The following NFIB variants were observed in gnomAD, a reference collection of about 807,000 sequenced individuals.
NFIB encodes nuclear factor 1 B-type.
A neutral mutation model predicts 61.5 loss-of-function variants in NFIB; 11 were observed. The observed-to-expected ratio is 0.18, with a 90% CI of 0.11 to 0.30. The LOEUF (loss-of-function observed/expected upper bound fraction) is 0.30, where lower values mean the gene tolerates loss of function less well. NFIB is among the 10% of genes least tolerant of loss of function. The pLI is 1.00. For synonymous variants in NFIB, 260 were observed against 216.5 expected (o/e 1.20, Z -1.76); for missense variants, 471 against 608.9 (o/e 0.77, Z 2.38).
At chr9:14,127,664 G>A (rs1417496806) in intron 6 of NFIB, among the ~76,000 whole-genome samples, 1 of 152,116 alleles carries the variant, frequency 6.6e-6, no homozygotes, top group Non-Finnish European at 1.5e-5. Flanking sequence ...ACCTTATGGT[G>A]CTATTAATAT....
intron 2 of NFIB, among the ~76,000 whole-genome samples, chr9:14,198,372 C>T (rs2382457): frequency 0.87 from 132,785 of 152,204 alleles, 58,151 homozygotes; most frequent in South Asian, 0.94. Flanking sequence ...GGAACAATTA[C>T]TTGGATAAAG....
In NFIB at chr9:14,116,329, T is replaced by C; in HGVS notation, c.1263A>G (p.Gln421=). 1 of 1,523,076 alleles carries C rather than the reference T, an allele frequency of 6.6e-7. No homozygotes were observed. The highest frequency in any genetic ancestry group is 8.8e-7 in the Non-Finnish European group (1 of 1,134,094). The allele number at this position is 1,523,076 out of a possible 1,614,324, so 94.3% of individuals were successfully genotyped here. ...AATGGCCAGGCACTTTCCCTACTAC[T>C]TGACCACTGCCGTTAGGCTACAAAA... ...PQTSQPNGSG[Q]VVGKVPGHFT... Residue 421 remains glutamine (Q), a synonymous_variant, in exon 9 of 11, where the codon CAA becomes CAG. Coordinates refer to ENST00000380953, the MANE Select transcript of NFIB (RefSeq NM_001190737.2).
At chr9:14,225,382 G>A (rs535531399) in intron 2 of NFIB, among the ~76,000 whole-genome samples, 43 of 147,806 alleles carry the variant, frequency 2.9e-4, no homozygotes, top group Admixed American at 6.1e-4. Flanking sequence ...GCGTGAACCC[G>A]GGAGGCGGAG....
chr9:14,354,568 T>C (rs1219876817), intron 1 of NFIB, among the ~76,000 whole-genome samples: 1 of 152,122 alleles, frequency 6.6e-6, no homozygotes, highest in South Asian at 2.1e-4. Flanking sequence ...GGCTACATGG[T>C]TGGGTTTCCA....
At chr9:14,497,693 G>A in the NFIB span, among the ~76,000 whole-genome samples, 4 of 152,156 alleles carry the variant, frequency 2.6e-5, no homozygotes, top group East Asian at 3.9e-4. Context: ...CACTGTACAC[G>A]TGCTTTATCC....
chr9:14,457,538 C>T, the NFIB span, among the ~76,000 whole-genome samples: 1 of 148,020 alleles, frequency 6.8e-6, no homozygotes, highest in Non-Finnish European at 1.5e-5. Context: ...GAGACAGAGA[C>T]ACAAAAAACC....
chr9:14,505,864 G>A, the NFIB span, among the ~76,000 whole-genome samples: 5 of 152,026 alleles, frequency 3.3e-5, no homozygotes, highest in South Asian at 2.1e-4. Flanking sequence ...GAAATTACAC[G>A]TATATCATGA....
At chr9:14,505,777 G>T in the NFIB span, among the ~76,000 whole-genome samples, 5 of 152,108 alleles carry the variant, frequency 3.3e-5, no homozygotes, top group African/African-American at 1.2e-4. Context: ...CCCCACCTGG[G>T]TATCAAAGGG....
chr9:14,369,962 C>T (rs745910271), intron 1 of NFIB, among the ~76,000 whole-genome samples: 17 of 152,200 alleles, frequency 1.1e-4, no homozygotes, highest in Non-Finnish European at 8.8e-5. Flanking sequence ...CAGGGTAAGA[C>T]AAGGTTATGT....
In NFIB at chr9:14,098,676, T is replaced by C. The variant is rs192625775; in HGVS notation, c.1468-10350A>G. On this transcript the variant is annotated intron_variant, in intron 10 of 10. Transcript: ENST00000380953. The stretch of plus-strand genomic sequence containing the variant: ...TCATCCTCCTAAGATCTTGAGCCCA[T>C]TCTGACTATACTAGAAGTGAGCCCT... Among the ~76,000 whole-genome samples, 15 of 152,350 alleles carry C rather than the reference T, an allele frequency of 9.8e-5. No homozygotes were observed. In the East Asian group the frequency reaches 2.9e-3, roughly 29 times the overall value.
chr9:14,254,350 T>C (rs1240381567), intron 2 of NFIB, among the ~76,000 whole-genome samples: 2 of 152,018 alleles, frequency 1.3e-5, no homozygotes, highest in Non-Finnish European at 2.9e-5. Context: ...CTCCATAAGA[T>C]GCTCCCTCCA....
At chr9:14,315,476 G>A (rs1340195728), upstream of NFIB, among the ~76,000 whole-genome samples, 2 of 147,338 alleles carry the variant, frequency 1.4e-5, no homozygotes, top group Non-Finnish European at 1.5e-5. Context: ...CCGGGGCGCC[G>A]GCGGAAAGCG....
chr9:14,470,378 T>G, the NFIB span, among the ~76,000 whole-genome samples: 1 of 152,164 alleles, frequency 6.6e-6, no homozygotes, highest in Non-Finnish European at 1.5e-5. Context: ...ATTTGTGAGC[T>G]TTCAACTTAC....
intron 2 of NFIB, among the ~76,000 whole-genome samples, chr9:14,252,473 T>C (rs1004263126): frequency 2.0e-5 from 3 of 152,160 alleles, no homozygotes; most frequent in Non-Finnish European, 4.4e-5. Flanking sequence ...AAGTTTTAAC[T>C]GCTGAGAAAT....
chr9:14,227,946 AT>A (rs2052638333), intron 2 of NFIB, among the ~76,000 whole-genome samples: 1 of 152,162 alleles, frequency 6.6e-6, no homozygotes, highest in African/African-American at 2.4e-5. Flanking sequence ...TACATAATTT[AT>A]TTTTATATAC....
At chr9:14,344,528 A>AT (rs1348415196) in intron 1 of NFIB, among the ~76,000 whole-genome samples, 4 of 151,770 alleles carry the variant, frequency 2.6e-5, no homozygotes, top group African/African-American at 7.3e-5. Context: ...AGCTTTATGG[A>AT]TTTTTTCTTA....
intron 2 of NFIB, among the ~76,000 whole-genome samples, chr9:14,264,863 A>T (rs889637056): frequency 6.6e-6 from 1 of 151,722 alleles, no homozygotes; most frequent in African/African-American, 2.4e-5. Flanking sequence ...AGCAGATAAT[A>T]ATCTAATCTA....
intron 2 of NFIB, among the ~76,000 whole-genome samples, chr9:14,283,549 A>ATT (rs2058516764): frequency 6.6e-6 from 1 of 152,224 alleles, no homozygotes; most frequent in Non-Finnish European, 1.5e-5. Flanking sequence ...CCTTGAGGAC[A>ATT]ATGGACTCCT....
chr9:14,413,947 G>A, the NFIB span, among the ~76,000 whole-genome samples: 1 of 152,056 alleles, frequency 6.6e-6, no homozygotes, highest in African/African-American at 2.4e-5. Context: ...GTGTTCCTGT[G>A]GAAATCCTAC....
Sources: gnomAD v4.1 joint callset for allele counts (sites outside exome capture counted in the v4.1 genomes callset) on GRCh38, gnomAD v4.1.1 for gene constraint, MANE v1.5 for transcripts, NCBI Gene and HGNC (gene_info 2026-07-23, HGNC 2026-07-21) for gene names.